The following FOXN3 variants were observed in gnomAD, a reference collection of about 807,000 sequenced individuals.
FOXN3 encodes forkhead box protein N3.
Under a neutral mutation model 38.4 loss-of-function variants are expected in FOXN3, and 7 were observed. The ratio of observed to expected loss-of-function variants is 0.18; its 90% CI spans 0.10 to 0.34. The LOEUF is 0.34. Ranked by LOEUF, FOXN3 falls within the 10% of genes least tolerant of loss-of-function variation. The pLI is 1.00. For synonymous variants in FOXN3, 230 were observed against 242.2 expected, an observed-to-expected ratio of 0.95 and a Z score of 0.47; for missense variants, 456 against 613.4, an observed-to-expected ratio of 0.74 and a Z score of 2.71.
chr14:89,581,334 T>C (rs1174971026), intron 1 of FOXN3, among the ~76,000 whole-genome samples: 2 of 151,846 alleles, frequency 1.3e-5, no homozygotes, highest in African/African-American at 2.4e-5. Flanking sequence ...ATTTCAAAAT[T>C]TGCTGGCCAC....
At chr14:89,261,996 C>G (rs1442264596) in intron 4 of FOXN3, among the ~76,000 whole-genome samples, 1 of 151,746 alleles carries the variant, frequency 6.6e-6, no homozygotes, top group Non-Finnish European at 1.5e-5. Flanking sequence ...CCCAGCTACT[C>G]GGAAGGCTGA....
At chr14:89,259,887 T>C (rs60717779) in intron 4 of FOXN3, among the ~76,000 whole-genome samples, 29,380 of 152,160 alleles carry the variant, frequency 0.19, 2,881 homozygotes, top group East Asian at 0.32. Context: ...TTAAGTGAAA[T>C]AAAAACAGCT....
intron 4 of FOXN3, among the ~76,000 whole-genome samples, chr14:89,239,542 T>C (rs879652318): frequency 6.6e-6 from 1 of 152,120 alleles, no homozygotes; most frequent in Admixed American, 6.5e-5. Context: ...GCAAATGAAA[T>C]AGACATAGGT....
intron 2 of FOXN3, among the ~76,000 whole-genome samples, chr14:89,397,485 C>T (rs1209956733): frequency 6.7e-6 from 1 of 150,168 alleles, no homozygotes; most frequent in African/African-American, 2.4e-5. Flanking sequence ...GAGACCGAGG[C>T]TCTGCAAGAA....
At chr14:89,436,548 G>A (rs56159059) in intron 1 of FOXN3, among the ~76,000 whole-genome samples, 44,637 of 152,072 alleles carry the variant, frequency 0.29, 6,887 homozygotes, top group East Asian at 0.56. Flanking sequence ...CATCGTCTGC[G>A]CCAGAGGCAT....
At chr14:89,306,001 T>C (rs1048434817) in intron 3 of FOXN3, among the ~76,000 whole-genome samples, 9 of 152,230 alleles carry the variant, frequency 5.9e-5, no homozygotes, top group African/African-American at 1.9e-4. Context: ...AATACATATA[T>C]ATTTGCAAAG....
chr14:89,211,718 C>T (rs1884098307), intron 4 of FOXN3, among the ~76,000 whole-genome samples: 2 of 152,190 alleles, frequency 1.3e-5, no homozygotes, highest in Admixed American at 1.3e-4. Flanking sequence ...TAGGTTGAGT[C>T]TCACCCCAGA....
chr14:89,347,487 G>A (rs915156983), intron 3 of FOXN3, among the ~76,000 whole-genome samples: 12 of 152,150 alleles, frequency 7.9e-5, no homozygotes, highest in African/African-American at 2.4e-4. Flanking sequence ...CATTGGTCTC[G>A]GACTTCCAGC....
chr14:89,311,102 G>A (rs1362767691), intron 3 of FOXN3, among the ~76,000 whole-genome samples: 3 of 103,364 alleles, frequency 2.9e-5, no homozygotes, highest in African/African-American at 4.1e-5. Context: ...GCGAAACTCC[G>A]TCTAAAAAAA....
At chr14:89,263,243 G>C (rs1018363471) in intron 4 of FOXN3, among the ~76,000 whole-genome samples, 2 of 152,100 alleles carry the variant, frequency 1.3e-5, no homozygotes, top group African/African-American at 4.8e-5. Flanking sequence ...TTTGGCAAAG[G>C]CCTTCTCAAG....
chr14:89,530,754 C>T (rs986095993), intron 1 of FOXN3, among the ~76,000 whole-genome samples: 9 of 151,022 alleles, frequency 6.0e-5, no homozygotes, highest in African/African-American at 1.5e-4. Context: ...GGATTACAGG[C>T]GCCTACCACC....
chr14:89,162,447 C>A lies in FOXN3; in HGVS notation c.1374G>T (p.Gly458=), dbSNP rs1161662972. 6.3e-7 allele frequency: 1 copy of A among 1,586,334 alleles called. No homozygotes were observed. Among genetic ancestry groups the A allele is most frequent in the African/African-American group, 1.4e-5 (1 of 73,108 alleles). Residue 458 remains glycine, a synonymous_variant, in exon 6 of 6, where the codon GGG becomes GGT. Transcript: ENST00000557258. This position sits in a 1 kb window ranked among gnomAD's most constrained non-coding sequence, Gnocchi z 7.2. ...TTGTGGTTTCCTTTTGCTCTTTCTG[C>A]CCCTTTGCCGTCCGATTGGTGATGT... ...LNNITNRTAK[G]QKEQKETTKN is the part of the protein sequence containing the mutation.
At chr14:89,460,386 A>G (rs895695910) in intron 1 of FOXN3, among the ~76,000 whole-genome samples, 39 of 152,188 alleles carry the variant, frequency 2.6e-4, no homozygotes, top group Admixed American at 2.2e-3. Context: ...AAACATCTAA[A>G]TAACATCCCA....
Position 89,162,384 on chromosome 14 carries a change from G to C in FOXN3, c.*30C>G, listed in dbSNP as rs756684594. The C allele has an allele frequency of 1.3e-6, 2 of 1,498,120 alleles. No individual in the cohort carries two copies. Among genetic ancestry groups the C allele is most frequent in the East Asian group, 2.3e-5 (1 of 42,936 alleles). The allele number at this position is 1,498,120 out of a possible 1,614,324, so 92.8% of individuals were successfully genotyped here. On this transcript the variant is annotated 3_prime_UTR_variant, in exon 6 of 6. Coordinates refer to ENST00000557258, the MANE Select transcript of FOXN3 (RefSeq NM_005197.4). The surrounding 1 kb of genome is among the most constrained non-coding windows in gnomAD (Gnocchi z 7.2). ...CCTGACATGCTGAAACCAAATGGTC[G>C]TAAGTTCAAAACAAATCAGTGACTT...
At chr14:89,305,627 G>A (rs1887347706) in intron 3 of FOXN3, among the ~76,000 whole-genome samples, 1 of 152,198 alleles carries the variant, frequency 6.6e-6, no homozygotes, top group South Asian at 2.1e-4. Flanking sequence ...ACGATTAGCT[G>A]TTGCCAGGCA....
rs1888821544 is a variant in FOXN3 at position 89,348,086 on chromosome 14, C to T, written c.680+2586G>A. On this transcript the variant is annotated intron_variant, in intron 3 of 5. Coordinates refer to ENST00000557258, the MANE Select transcript of FOXN3 (RefSeq NM_005197.4). ...TTCCCGCAGCATTTCCAGCCACCTG[C>T]AGCTCAGTTCAGAGTGACATTTGCC... Among the ~76,000 whole-genome samples the T allele has an allele frequency of 3.9e-5, 6 of 152,078 alleles. No homozygotes were observed. In the South Asian group the frequency reaches 1.2e-3, roughly 32 times the overall value.
chr14:89,296,660 G>C (rs1005342665), intron 3 of FOXN3, among the ~76,000 whole-genome samples: 1 of 152,164 alleles, frequency 6.6e-6, no homozygotes, highest in Non-Finnish European at 1.5e-5. Flanking sequence ...TTTCTCAACC[G>C]AGTCTCGCTC....
chr14:89,402,830 A>G (rs952457692), intron 2 of FOXN3, among the ~76,000 whole-genome samples: 34 of 152,250 alleles, frequency 2.2e-4, no homozygotes, highest in Non-Finnish European at 7.3e-5. Flanking sequence ...ATGGAGAAAT[A>G]CGCCCCTAGC....
intron 4 of FOXN3, among the ~76,000 whole-genome samples, chr14:89,205,122 A>AG (rs1458825706): frequency 6.6e-6 from 1 of 152,134 alleles, no homozygotes; most frequent in East Asian, 1.9e-4. Flanking sequence ...CTACTTTGAA[A>AG]GATGCTTCTT....
Sources: gnomAD v4.1 joint callset for allele counts (sites outside exome capture counted in the v4.1 genomes callset) on GRCh38, gnomAD v4.1.1 for gene constraint, Gnocchi (gnomAD v3.1) non-coding constraint, MANE v1.5 for transcripts, NCBI Gene and HGNC (gene_info 2026-07-23, HGNC 2026-07-21) for gene names.